CARD19: variants seen among roughly 807,000 people sequenced by gnomAD.
The protein encoded by CARD19 is caspase recruitment domain-containing protein 19.
Under a neutral mutation model 24.1 loss-of-function variants are expected in CARD19, and 25 were observed. The ratio of observed to expected loss-of-function variants is 1.04; its 90% CI spans 0.76 to 1.45. The LOEUF (loss-of-function observed/expected upper bound fraction) is 1.45, where lower values mean the gene tolerates loss of function less well. Among genes scored for constraint, CARD19 ranks in the 40% most tolerant of loss-of-function variants. The pLI, the probability that CARD19 is intolerant of heterozygous loss-of-function variation, is 0.00. For missense variants in CARD19, 241 were observed against 247.4 expected (o/e 0.97, Z 0.17); for synonymous variants, 103 against 104.9 (o/e 0.98, Z 0.11).
intron 1 of CARD19, among the ~76,000 whole-genome samples, chr9:93,105,533 A>G (rs1827223867): frequency 6.6e-6 from 1 of 152,140 alleles, no homozygotes; most frequent in Admixed American, 6.6e-5. Flanking sequence ...TGCCTGCCTT[A>G]GCTTCCCAAA....
intron 1 of CARD19, among the ~76,000 whole-genome samples, chr9:93,097,360 C>G (rs1219633588): frequency 6.6e-6 from 1 of 152,124 alleles, no homozygotes; most frequent in Non-Finnish European, 1.5e-5. Context: ...GACTTCCAGC[C>G]TAGGCCACAA....
chr9:93,110,509 C>T (rs1315108470), intron 2 of CARD19, 59 bp from the exon 3 acceptor site: 7 of 1,544,112 alleles, frequency 4.5e-6, no homozygotes, highest in Admixed American at 1.8e-5. Context: ...GGTGCCCTGC[C>T]CTGACCCACA....
Position 93,110,679 on chromosome 9 carries a change from GC to G in CARD19, c.265del (p.Gln89SerfsTer21). ...QEFYRALYIH[A>X]QPLHSRLPSR... ...GTTCTACCGAGCCCTGTATATCCAT[GC>G]CCAGCCCCTGCACAGCCGCCTGCCC... On this transcript the variant is annotated frameshift_variant, in exon 3 of 6. Coordinates refer to ENST00000375464, the MANE Select transcript of CARD19 (RefSeq NM_032310.5). LOFTEE classifies it high-confidence loss of function. 1 of 1,613,142 alleles carries G rather than the reference GC, an allele frequency of 6.2e-7. No individual in the cohort carries two copies.
rs750112866 is a variant in CARD19, at chr9:93,110,598, C to T, written c.181C>T (p.Arg61Trp). ...GAACCCCAAGGCATCCTTGCGTGTGCGGCTCTGTGACCTCCTGAGCCACCT... is the reference window on the plus strand; with the variant it reads ...GAACCCCAAGGCATCCTTGCGTGTGTGGCTCTGTGACCTCCTGAGCCACCT... ...FRNPKASLRVRLCDLLSHLQR... is the reference protein window; with the variant it reads ...FRNPKASLRVWLCDLLSHLQR... The change falls in exon 3 of 6, where the codon CGG (arginine) becomes TGG (tryptophan). Residue 61 changes from arginine (R) to tryptophan (W), a missense_variant. Arg to Trp is a moderately radical substitution (Grantham distance 101, BLOSUM62 -3). Coordinates refer to ENST00000375464, the MANE Select transcript of CARD19 (RefSeq NM_032310.5). 1.3e-5 allele frequency: 21 copies of T among 1,611,598 alleles called. No homozygotes were observed. Among genetic ancestry groups the T allele is most frequent in the East Asian group, 8.9e-5 (4 of 44,840 alleles).
chr9:93,100,060 C>T (rs757819909), intron 1 of CARD19, among the ~76,000 whole-genome samples: 4 of 152,398 alleles, frequency 2.6e-5, no homozygotes, highest in Admixed American at 6.5e-5. Context: ...TCCCCAGCCC[C>T]GCACAGGGCG....
At chr9:93,109,166 C>T (rs938341032) in intron 2 of CARD19, 1 of 152,210 alleles carries the variant, frequency 6.6e-6, no homozygotes, top group Non-Finnish European at 1.5e-5. Flanking sequence ...CTTATTATTG[C>T]AATTGAAGTC....
chr9:93,098,718 C>T (rs1826970589), intron 1 of CARD19, among the ~76,000 whole-genome samples: 1 of 152,188 alleles, frequency 6.6e-6, no homozygotes, highest in Non-Finnish European at 1.5e-5. Context: ...AGCCTGGCTT[C>T]AGCCTCCGGA....
chr9:93,104,314 A>G (rs928775774), intron 1 of CARD19, among the ~76,000 whole-genome samples: 1 of 152,076 alleles, frequency 6.6e-6, no homozygotes, highest in African/African-American at 2.4e-5. Flanking sequence ...TGTATTGCCC[A>G]AGTGTGGTCT....
intron 1 of CARD19, among the ~76,000 whole-genome samples, chr9:93,105,354 C>T (rs1333991170): frequency 6.6e-6 from 1 of 152,126 alleles, no homozygotes; most frequent in African/African-American, 2.4e-5. Context: ...AAATTCAGCT[C>T]ACTACAACCT....
chr9:93,113,021 G>C lies in CARD19; in HGVS notation c.466G>C (p.Val156Leu). 6.2e-7 allele frequency: 1 copy of C among 1,609,502 alleles called. No homozygotes were observed. Residue 156 changes from valine to leucine, a missense_variant, in exon 6 of 6, where the codon GTC (valine) becomes CTC (leucine). By Grantham distance (32) the Val-to-Leu change is conservative (BLOSUM62 1). Transcript: ENST00000375464. ...CAAGGGCCTGCCAGGGACCCGGCGC[G>C]TCCTCGGTTTCTCGCCTGTCATCAT... Reference protein sequence around the residue: ...DPKGLPGTRRVLGFSPVIIDR... With the variant: ...DPKGLPGTRRLLGFSPVIIDR...
At chr9:93,097,414 CTCT>C (rs1428434252) in intron 1 of CARD19, among the ~76,000 whole-genome samples, 2 of 152,190 alleles carry the variant, frequency 1.3e-5, no homozygotes, top group East Asian at 1.9e-4. Flanking sequence ...TCCCTTCTAA[CTCT>C]TCTTATTTGT....
chr9:93,108,199 G>A (rs1339725273), intron 2 of CARD19, among the ~76,000 whole-genome samples: 4 of 152,212 alleles, frequency 2.6e-5, no homozygotes, highest in African/African-American at 9.6e-5. Context: ...GAGGGAGGAG[G>A]CAGAGGGAGA....
At position 93,096,265 on chromosome 9, in the gene CARD19, G is replaced by T; in HGVS notation, c.-81G>T. The T allele has an allele frequency of 8.2e-7, 1 of 1,214,908 alleles. No homozygotes were observed. Among genetic ancestry groups the T allele is most frequent in the Non-Finnish European group, 1.0e-6 (1 of 975,148 alleles). 75.3% of individuals were successfully genotyped at this position (1,214,908 alleles called of 1,614,324 possible). ...CCGCGGGCGGCGTTCGCTGGAGCTG[G>T]TGGACCGGGCGGCTGACCGAGGGGC... On this transcript the variant is annotated 5_prime_UTR_variant, in exon 1 of 6. Coordinates refer to ENST00000375464, the MANE Select transcript of CARD19 (RefSeq NM_032310.5). The surrounding 1 kb of genome is among the most constrained non-coding windows in gnomAD (Gnocchi z 5.4).
chr9:93,096,240 C>T lies in CARD19; in HGVS notation c.-106C>T. Reference sequence around the variant, plus strand: ...GCCAAAAGGGGCGGGCGAGCACGGCCCGCGGGCGGCGTTCGCTGGAGCTGG... The same window carrying T: ...GCCAAAAGGGGCGGGCGAGCACGGCTCGCGGGCGGCGTTCGCTGGAGCTGG... On this transcript the variant is annotated 5_prime_UTR_variant, in exon 1 of 6. Transcript: ENST00000375464. The surrounding 1 kb of genome is among the most constrained non-coding windows in gnomAD (Gnocchi z 5.4). The T allele has an allele frequency of 1.7e-6, 2 of 1,161,288 alleles. No homozygotes were observed. The highest frequency in any genetic ancestry group is 2.2e-6 in the Non-Finnish European group (2 of 926,918). 71.9% of individuals were successfully genotyped at this position (1,161,288 alleles called of 1,614,324 possible).
rs1827475152 is a variant in CARD19 at position 93,111,299 on chromosome 9, G to T, written c.304+578G>T. On this transcript the variant is annotated intron_variant, in intron 3 of 5. Transcript: ENST00000375464. ...GAGTCATGTGGATGCCAGTAGCCTG[G>T]GCCCACAGAGCTGCTGGGATGTGGG... 3.5e-6 allele frequency: 4 copies of T among 1,146,182 alleles called. No individual in the cohort carries two copies. In the South Asian group the frequency reaches 5.4e-5, roughly 16 times the overall value. 71.0% of individuals were successfully genotyped at this position (1,146,182 alleles called of 1,614,324 possible).
chr9:93,102,272 T>G (rs1827112865), intron 1 of CARD19, among the ~76,000 whole-genome samples: 1 of 152,170 alleles, frequency 6.6e-6, no homozygotes, highest in Non-Finnish European at 1.5e-5. Context: ...GCACCTGGCC[T>G]GATGAGCATT....
Position 93,112,256 on chromosome 9 carries a change from G to A in CARD19, c.403G>A (p.Gly135Arg). 8 of 1,544,956 alleles carry A rather than the reference G, an allele frequency of 5.2e-6. No homozygotes were observed. The highest frequency in any genetic ancestry group is 7.0e-6 in the Non-Finnish European group (8 of 1,147,022). The change falls in exon 5 of 6, where the codon GGA (glycine) becomes AGA (arginine). Residue 135 changes from glycine to arginine, a missense_variant. Gly to Arg is a moderately radical substitution (Grantham distance 125). Coordinates refer to ENST00000375464, the MANE Select transcript of CARD19 (RefSeq NM_032310.5). ...CCTGGCTGGCCTGGGCCTTGCTGTGGGACTGGCCCTGCTCCTGTACTGCTA... is the reference window on the plus strand; with the variant it reads ...CCTGGCTGGCCTGGGCCTTGCTGTGAGACTGGCCCTGCTCCTGTACTGCTA... ...SFLAGLGLAV[G>R]LALLLYCYPP... is the part of the protein sequence containing the mutation.
chr9:93,100,569 A>G (rs1827039896), intron 1 of CARD19, among the ~76,000 whole-genome samples: 1 of 152,252 alleles, frequency 6.6e-6, no homozygotes, highest in Non-Finnish European at 1.5e-5. Flanking sequence ...ATATGGAAAC[A>G]TAACATTTAC....
At chr9:93,109,739 G>A (rs547607184) in intron 2 of CARD19, among the ~76,000 whole-genome samples, 71 of 152,132 alleles carry the variant, frequency 4.7e-4, no homozygotes, top group African/African-American at 1.6e-3. Context: ...CAAAGTGCTG[G>A]GATTATAGGC....
Sources: gnomAD v4.1 joint callset for allele counts (sites outside exome capture counted in the v4.1 genomes callset) on GRCh38, gnomAD v4.1.1 for gene constraint, Gnocchi (gnomAD v3.1) non-coding constraint, MANE v1.5 for transcripts, NCBI Gene and HGNC (gene_info 2026-07-23, HGNC 2026-07-21) for gene names.